Variants in CNTNAP5 observed in about 807,000 individuals in gnomAD.
CNTNAP5 encodes contactin associated protein family member 5, also known as contactin-associated protein-like 5.
In CNTNAP5, 72 loss-of-function variants were observed where a neutral mutation model predicts 150.2. That is an observed-to-expected ratio of 0.48 (90% CI 0.40 to 0.58). The LOEUF is 0.58. Among genes scored for constraint, CNTNAP5 ranks in the 20% least tolerant of loss-of-function variants. The pLI is 0.00. For synonymous variants in CNTNAP5, 672 were observed against 619.8 expected (o/e 1.08, Z -1.25); for missense variants, 1,636 against 1,626.2 (o/e 1.01, Z -0.10).
chr2:124,684,041 T>A (rs1189269366), intron 13 of CNTNAP5, among the ~76,000 whole-genome samples: 1 of 152,188 alleles, frequency 6.6e-6, no homozygotes, highest in Non-Finnish European at 1.5e-5. Context: ...TTATCTTCCA[T>A]GAAACAGACC....
In CNTNAP5 at chr2:124,221,572, C is replaced by A. The variant is rs749730305; in HGVS notation, c.83-133C>A. On this transcript the variant is annotated intron_variant, in intron 1 of 23. Coordinates refer to ENST00000682447, the MANE Select transcript of CNTNAP5 (RefSeq NM_001367498.1). Reference sequence around the variant, plus strand: ...GAGTAGATGCAGTAACACATGGAAACCGGGAGTACCTGACCTTGTTCAGAG... The same window carrying A: ...GAGTAGATGCAGTAACACATGGAAAACGGGAGTACCTGACCTTGTTCAGAG... 7 of 612,678 alleles carry A rather than the reference C, an allele frequency of 1.1e-5. No homozygotes were observed. In the East Asian group the frequency reaches 1.7e-4, roughly 15 times the overall value. 38.0% of individuals were successfully genotyped at this position (612,678 alleles called of 1,614,324 possible).
intron 13 of CNTNAP5, among the ~76,000 whole-genome samples, chr2:124,667,460 C>A (rs141637611): frequency 1.9e-3 from 283 of 152,344 alleles, no homozygotes; most frequent in Non-Finnish European, 3.3e-3. Flanking sequence ...CTGCTCATTG[C>A]ACCTGCTCCT....
At chr2:124,594,663 A>T (rs1419260831) in intron 11 of CNTNAP5, among the ~76,000 whole-genome samples, 1 of 141,350 alleles carries the variant, frequency 7.1e-6, no homozygotes, top group Non-Finnish European at 1.5e-5. Flanking sequence ...GTTTTTTCCA[A>T]TTCTGTGAAG....
At position 124,501,058 on chromosome 2, in the gene CNTNAP5, T is replaced by C. The variant is rs62172596; in HGVS notation, c.1063-3234T>C. Among the ~76,000 whole-genome samples, 1,477 of 152,210 alleles carry C rather than the reference T, an allele frequency of 9.7e-3. 18 individuals carry two copies. The highest frequency in any genetic ancestry group is 0.012 in the Non-Finnish European group (788 of 68,010). ...ACAATGAAAGACCCTGGAGTTCTTATAAGATATAGGGAGGAAAAAAAGGAC... is the reference window on the plus strand; with the variant it reads ...ACAATGAAAGACCCTGGAGTTCTTACAAGATATAGGGAGGAAAAAAAGGAC... On this transcript the variant is annotated intron_variant, in intron 7 of 23. Coordinates refer to ENST00000682447, the MANE Select transcript of CNTNAP5 (RefSeq NM_001367498.1).
intron 17 of CNTNAP5, among the ~76,000 whole-genome samples, chr2:124,786,625 A>G (rs1265119606): frequency 5.9e-5 from 9 of 152,078 alleles, no homozygotes; most frequent in Non-Finnish European, 1.2e-4. Context: ...AGGAAAGAGA[A>G]AGAAGAGAGA....
chr2:124,258,750 CTGCCTTCTATGACTCACA>C (rs1687377516), intron 3 of CNTNAP5, among the ~76,000 whole-genome samples: 1 of 152,218 alleles, frequency 6.6e-6, no homozygotes, highest in Admixed American at 6.5e-5. Context: ...TTTATGATGA[CTGCCTTCTATGACTCACA>C]TGCCTTCCTA....
chr2:124,284,657 A>G (rs1165752882), intron 3 of CNTNAP5, among the ~76,000 whole-genome samples: 1 of 152,170 alleles, frequency 6.6e-6, no homozygotes, highest in Non-Finnish European at 1.5e-5. Context: ...CCAAAAAGAG[A>G]GCATCTTGTG....
chr2:124,614,885 G>C (rs1212559927), intron 12 of CNTNAP5, among the ~76,000 whole-genome samples: 1 of 152,058 alleles, frequency 6.6e-6, no homozygotes, highest in Non-Finnish European at 1.5e-5. Flanking sequence ...CCCTATTCAA[G>C]ACGGAGTCAC....
chr2:124,130,499 G>T (rs542834709), intron 1 of CNTNAP5, among the ~76,000 whole-genome samples: 1 of 152,034 alleles, frequency 6.6e-6, no homozygotes, highest in African/African-American at 2.4e-5. Flanking sequence ...ACTTTTGAGA[G>T]TGGAAAAAAG....
chr2:124,873,580 T>C (rs1677794475), intron 21 of CNTNAP5, among the ~76,000 whole-genome samples: 1 of 152,060 alleles, frequency 6.6e-6, no homozygotes, highest in African/African-American at 2.4e-5. Flanking sequence ...GGAGACAATA[T>C]GAACATTCAG....
chr2:124,138,319 A>T (rs1256193667), intron 1 of CNTNAP5, among the ~76,000 whole-genome samples: 1 of 152,214 alleles, frequency 6.6e-6, no homozygotes. Context: ...ACCTGCTCTT[A>T]AACACATTCG....
At chr2:124,898,579 T>C (rs770728448) in intron 21 of CNTNAP5, among the ~76,000 whole-genome samples, 2 of 151,600 alleles carry the variant, frequency 1.3e-5, no homozygotes, top group African/African-American at 2.4e-5. Flanking sequence ...TGCAAAATAA[T>C]GTAGAAAGTC....
chr2:124,363,843 G>T (rs1000833455), intron 3 of CNTNAP5, among the ~76,000 whole-genome samples: 13 of 152,244 alleles, frequency 8.5e-5, no homozygotes, highest in Admixed American at 3.3e-4. Flanking sequence ...AATATGTGTA[G>T]TTCTGTGTGT....
chr2:124,865,581 A>G (rs1156639927), intron 20 of CNTNAP5, 145 bp downstream of exon 20: 3 of 723,752 alleles, frequency 4.1e-6, no homozygotes, highest in Non-Finnish European at 4.5e-6. Context: ...TGGAAGAACT[A>G]GGATAGTGGT....
At position 124,735,428 on chromosome 2, in the gene CNTNAP5, C is replaced by CTT. The variant is rs34024635; in HGVS notation, c.2078-11790_2078-11789dup. Among the ~76,000 whole-genome samples, 418 of 146,972 alleles carry CTT rather than the reference C, an allele frequency of 2.8e-3. 1 individual carries two copies. The highest frequency in any genetic ancestry group is 9.2e-3 in the African/African-American group (367 of 39,788). On this transcript the variant is annotated intron_variant, in intron 13 of 23. Coordinates refer to ENST00000682447, the MANE Select transcript of CNTNAP5 (RefSeq NM_001367498.1). ...TATTAGAACAATTATTTCTACAAGA[C>CTT]TTTTTTTTTTTTGCTTTTCTGTTAA...
chr2:124,831,564 A>G (rs1004392655), intron 19 of CNTNAP5, among the ~76,000 whole-genome samples: 10 of 150,488 alleles, frequency 6.6e-5, no homozygotes, highest in African/African-American at 2.4e-4. Flanking sequence ...ATATTAAAAT[A>G]TTTTAAATTC....
At chr2:124,783,326 G>T (rs1205977019) in intron 17 of CNTNAP5, among the ~76,000 whole-genome samples, 2 of 152,040 alleles carry the variant, frequency 1.3e-5, no homozygotes, top group Non-Finnish European at 2.9e-5. Context: ...AGTTTTAATG[G>T]TTTTATAAGT....
intron 3 of CNTNAP5, among the ~76,000 whole-genome samples, chr2:124,381,511 A>G (rs1690794767): frequency 6.6e-6 from 1 of 152,216 alleles, no homozygotes; most frequent in South Asian, 2.1e-4. Flanking sequence ...CTGAGGCATT[A>G]GGGGAAATGG....
At chr2:124,468,185 A>C (rs1693425717) in intron 6 of CNTNAP5, among the ~76,000 whole-genome samples, 1 of 152,264 alleles carries the variant, frequency 6.6e-6, no homozygotes, top group Middle Eastern at 3.4e-3. Context: ...GTATATATTA[A>C]AGGGGTTTAT....
Sources: allele counts gnomAD v4.1 joint callset (sites outside exome capture counted in the v4.1 genomes callset), GRCh38; gene constraint gnomAD v4.1.1; transcripts MANE v1.5; gene names NCBI Gene and HGNC (gene_info 2026-07-23, HGNC 2026-07-21).